The following ATP4A variants were observed in gnomAD, a reference collection of about 807,000 sequenced individuals.
ATP4A encodes potassium-transporting ATPase alpha chain 1.
In ATP4A, 73 loss-of-function variants were observed where a neutral mutation model predicts 112.1. That is an observed-to-expected ratio of 0.65 (90% CI 0.54 to 0.79). ATP4A has a LOEUF of 0.79. Among genes scored for constraint, ATP4A ranks in the 30% least tolerant of loss-of-function variants. The pLI is 0.00. For missense variants in ATP4A, 1,081 were observed against 1,425.9 expected (o/e 0.76, Z 3.90); for synonymous variants, 588 against 588.9 (o/e 1.00, Z 0.02).
At position 35,555,317 on chromosome 19, in the gene ATP4A, G is replaced by C. The variant is rs140183237; in HGVS notation, c.2175C>G (p.Val725=). 6.2e-7 allele frequency: 1 copy of C among 1,613,834 alleles called. No individual in the cohort carries two copies. The highest frequency in any genetic ancestry group is 1.3e-5 in the African/African-American group (1 of 74,918). ...SCQRLGAIVA[V]TGDGVNDSPA... The stretch of plus-strand genomic sequence containing the variant: ...GGGAGTCATTCACACCATCCCCCGT[G>C]ACGGCCACAATCGCACCCTGCAGGC... Residue 725 remains valine (V), a synonymous_variant, in exon 15 of 22, where the codon GTC becomes GTG. Transcript: ENST00000262623. The surrounding 1 kb of genome is among the most constrained non-coding windows in gnomAD (Gnocchi z 6.6).
In ATP4A at chr19:35,557,077, G is replaced by T; in HGVS notation, c.1705C>A (p.Leu569Ile). The T allele has an allele frequency of 1.2e-6, 2 of 1,614,204 alleles. No individual in the cohort carries two copies. Residue 569 changes from leucine to isoleucine, a missense_variant, in exon 12 of 22, where the codon CTC becomes ATC. Around this residue, in one of 3 missense-constraint regions of ATP4A, gnomAD observed 850 missense variants for 1,068.2 expected, o/e 0.80. Coordinates refer to ENST00000262623, the MANE Select transcript of ATP4A (RefSeq NM_000704.3). The surrounding 1 kb of genome is among the most constrained non-coding windows in gnomAD (Gnocchi z 4.4). ...LGERVLGFCQLYLNEKDYPPG... is the reference protein window; with the variant it reads ...LGERVLGFCQIYLNEKDYPPG... Reference sequence around the variant, plus strand: ...GGGTAGTCCTTCTCATTCAGGTAGAGCTGGCAGAAGCCTGACCGGAAACGG... The same window carrying T: ...GGGTAGTCCTTCTCATTCAGGTAGATCTGGCAGAAGCCTGACCGGAAACGG...
At position 35,557,240 on chromosome 19, in the gene ATP4A, C is replaced by T. The variant is rs936387421; in HGVS notation, c.1694-152G>A. On this transcript the variant is annotated intron_variant, in intron 11 of 21. Transcript: ENST00000262623. This position sits in a 1 kb window ranked among gnomAD's most constrained non-coding sequence, Gnocchi z 4.4. ...CCTTCACTCACATTATCTGAATCTA[C>T]CCTCACAACCACCCTGTGAGGCCCA... The T allele has an allele frequency of 3.5e-6, 3 of 859,930 alleles. No individual in the cohort carries two copies. The highest frequency in any genetic ancestry group is 2.8e-5 in the Admixed American group (1 of 35,964). 53.3% of individuals were successfully genotyped at this position (859,930 alleles called of 1,614,324 possible). A position where few individuals can be genotyped will look rare whatever the true frequency, so the allele number is the denominator to read the frequency against.
rs1189069274 is a variant in ATP4A, at chr19:35,554,888, C to A, written c.2481+34G>T. On this transcript the variant is annotated intron_variant, in intron 16 of 21. Coordinates refer to ENST00000262623, the MANE Select transcript of ATP4A (RefSeq NM_000704.3). ...ATCTGCAAGCAAGTGTCTCTGGGCACCCTGTGGATGGGTACCCTGGGCTGT... is the reference window on the plus strand; with the variant it reads ...ATCTGCAAGCAAGTGTCTCTGGGCAACCTGTGGATGGGTACCCTGGGCTGT... 3 of 1,613,342 alleles carry A rather than the reference C, an allele frequency of 1.9e-6. No homozygotes were observed. In the South Asian group the frequency reaches 3.3e-5, roughly 18 times the overall value.
Position 35,551,490 on chromosome 19 carries a change from G to A in ATP4A, c.2842C>T (p.Arg948Cys), listed in dbSNP as rs2071601693. 3.1e-6 allele frequency: 5 copies of A among 1,614,128 alleles called. No homozygotes were observed. The highest frequency in any genetic ancestry group is 4.2e-6 in the Non-Finnish European group (5 of 1,180,024). ...EVCQIADVLIRKTRRLSAFQQ... is the reference protein window; with the variant it reads ...EVCQIADVLICKTRRLSAFQQ... Reference sequence around the variant, plus strand: ...AAGGCAGAGAGACGGCGCGTCTTGCGGATGAGGACATCGGCGATCTGGCAC... The same window carrying A: ...AAGGCAGAGAGACGGCGCGTCTTGCAGATGAGGACATCGGCGATCTGGCAC... The change falls in exon 19 of 22, where the codon CGC becomes TGC. Residue 948 changes from arginine (R) to cysteine (C), a missense_variant. Transcript: ENST00000262623. This position sits in a 1 kb window ranked among gnomAD's most constrained non-coding sequence, Gnocchi z 5.2.
In ATP4A at chr19:35,563,392, T is replaced by A. The variant is rs1046745150; in HGVS notation, c.148A>T (p.Met50Leu). The A allele has an allele frequency of 2.6e-6, 4 of 1,563,158 alleles. No homozygotes were observed. Among genetic ancestry groups the A allele is most frequent in the Non-Finnish European group, 3.5e-6 (4 of 1,149,544 alleles). Residue 50 changes from methionine to leucine, a missense_variant, in exon 2 of 22, where the codon ATG becomes TTG. Physicochemically the swap from Met to Leu is conservative, Grantham distance 15. Around this residue, in one of 3 missense-constraint regions of ATP4A, gnomAD observed 850 missense variants for 1,068.2 expected, o/e 0.80. Coordinates refer to ENST00000262623, the MANE Select transcript of ATP4A (RefSeq NM_000704.3). Reference protein sequence around the residue: ...KEKLENMKKEMEINDHQLSVA... With the variant: ...KEKLENMKKELEINDHQLSVA... ...CCCCAGTCAGAGCTCACAATCTCCA[T>A]CTCCTTCTTCATGTTCTCCAGCTTC...
In ATP4A at chr19:35,560,855, G is replaced by C. The variant is rs765341252; in HGVS notation, c.498C>G (p.Thr166=). 1.2e-6 allele frequency: 2 copies of C among 1,614,042 alleles called. No homozygotes were observed. Among genetic ancestry groups the C allele is most frequent in the African/African-American group, 2.7e-5 (2 of 74,984 alleles). ...CFGYYQEFKS[T]NIIASFKNLV... ...GGTTCTTAAAGCTGGCGATGATGTT[G>C]GTGCTCTTGAATTCCTGGTAGTAGC... Residue 166 remains threonine (T), a synonymous_variant, in exon 5 of 22, where the codon ACC becomes ACG. Coordinates refer to ENST00000262623, the MANE Select transcript of ATP4A (RefSeq NM_000704.3). This position sits in a 1 kb window ranked among gnomAD's most constrained non-coding sequence, Gnocchi z 5.1.
chr19:35,558,834 G>T lies in ATP4A; in HGVS notation c.1256-148C>A. On this transcript the variant is annotated intron_variant, in intron 8 of 21. Coordinates refer to ENST00000262623, the MANE Select transcript of ATP4A (RefSeq NM_000704.3). This position sits in a 1 kb window ranked among gnomAD's most constrained non-coding sequence, Gnocchi z 5.1. ...CCAACCCTGAGGGACCCAGCCCCCG[G>T]ATGACCCTTCCCTCTAGACCCGGTA... 7.9e-7 allele frequency: 1 copy of T among 1,271,266 alleles called. No individual in the cohort carries two copies. Among genetic ancestry groups the T allele is most frequent in the Non-Finnish European group, 1.1e-6 (1 of 929,376 alleles). The allele number at this position is 1,271,266 out of a possible 1,614,324, so 78.7% of individuals were successfully genotyped here. A position where few individuals can be genotyped will look rare whatever the true frequency, so the allele number is the denominator to read the frequency against.
chr19:35,555,147 C>T lies in ATP4A; in HGVS notation c.2326+19G>A. 1 of 1,614,124 alleles carries T rather than the reference C, an allele frequency of 6.2e-7. No individual in the cohort carries two copies. The highest frequency in any genetic ancestry group is 8.5e-7 in the Non-Finnish European group (1 of 1,180,014). On this transcript the variant is annotated intron_variant, in intron 15 of 21. Coordinates refer to ENST00000262623, the MANE Select transcript of ATP4A (RefSeq NM_000704.3). The surrounding 1 kb of genome is among the most constrained non-coding windows in gnomAD (Gnocchi z 6.6). ...TCCTGTGCCCACACTGCCTGCCCTCCCCCTGGCGTGGCTCGGACCCTGCTC... is the reference window on the plus strand; with the variant it reads ...TCCTGTGCCCACACTGCCTGCCCTCTCCCTGGCGTGGCTCGGACCCTGCTC...
rs754720662 is a variant in ATP4A, at chr19:35,560,399, G to A, written c.751C>T (p.Arg251Cys). The A allele has an allele frequency of 9.3e-6, 15 of 1,613,852 alleles. No individual in the cohort carries two copies. The highest frequency in any genetic ancestry group is 3.3e-5 in the Admixed American group (2 of 60,002). The change falls in exon 6 of 22, where the codon CGC becomes TGC. Residue 251 changes from arginine to cysteine, a missense_variant. Arg to Cys is a radical substitution (Grantham distance 180). This residue lies in a region of ATP4A where 850 missense variants were observed against 1,068.2 expected (regional missense o/e 0.80). Transcript: ENST00000262623. This position sits in a 1 kb window ranked among gnomAD's most constrained non-coding sequence, Gnocchi z 5.1. ...ATGGTGGAGAAGAAGGCGATGTTGCGGGTCTCCAGAGGGCTCTCGTGCGTG... is the reference window on the plus strand; with the variant it reads ...ATGGTGGAGAAGAAGGCGATGTTGCAGGTCTCCAGAGGGCTCTCGTGCGTG... ...ECTHESPLET[R>C]NIAFFSTMCL...
Position 35,550,865 on chromosome 19 carries a change from G to A in ATP4A, c.3048C>T (p.Ile1016=). Residue 1016 remains isoleucine, a synonymous_variant, in exon 21 of 22, where the codon ATC becomes ATT. Coordinates refer to ENST00000262623, the MANE Select transcript of ATP4A (RefSeq NM_000704.3). The surrounding 1 kb of genome is among the most constrained non-coding windows in gnomAD (Gnocchi z 4.1). ...GGCAACAGCGAACTCCAAGCTTCCG[G>A]ATCTCATCATAGACGAAGATGAGGA... ...YGILIFVYDE[I]RKLGVRCCPG... is the part of the protein sequence containing the mutation. 1 of 1,614,202 alleles carries A rather than the reference G, an allele frequency of 6.2e-7. No individual in the cohort carries two copies. Among genetic ancestry groups the A allele is most frequent in the Non-Finnish European group, 8.5e-7 (1 of 1,180,038 alleles).
Position 35,560,195 on chromosome 19 carries a change from C to T in ATP4A, c.788-122G>A. ...GATGTGACCTGGGAGAGGGTAGTGA[C>T]AGTGGGAGACAGAGAAGCAGTGTGC... On this transcript the variant is annotated intron_variant, in intron 6 of 21. Coordinates refer to ENST00000262623, the MANE Select transcript of ATP4A (RefSeq NM_000704.3). This position sits in a 1 kb window ranked among gnomAD's most constrained non-coding sequence, Gnocchi z 5.1. 6.6e-7 allele frequency: 1 copy of T among 1,523,734 alleles called. No individual in the cohort carries two copies. Among genetic ancestry groups the T allele is most frequent in the Non-Finnish European group, 8.9e-7 (1 of 1,124,968 alleles). 94.4% of individuals were successfully genotyped at this position (1,523,734 alleles called of 1,614,324 possible).
At position 35,559,021 on chromosome 19, in the gene ATP4A, G is replaced by A; in HGVS notation, c.1227C>T (p.His409=). Residue 409 remains histidine, a synonymous_variant, in exon 8 of 22, where the codon CAC becomes CAT. Coordinates refer to ENST00000262623, the MANE Select transcript of ATP4A (RefSeq NM_000704.3). The surrounding 1 kb of genome is among the most constrained non-coding windows in gnomAD (Gnocchi z 4.1). ...ACTGGTCTTCCGTGGTGTCAGCTGT[G>A]TGGATGTGGTTGTCAAACCACAGAT... ...VSHLWFDNHI[H]TADTTEDQSG... 6.2e-7 allele frequency: 1 copy of A among 1,614,210 alleles called. No homozygotes were observed. Among genetic ancestry groups the A allele is most frequent in the Non-Finnish European group, 8.5e-7 (1 of 1,180,034 alleles).
chr19:35,553,187 A>G lies in ATP4A; in HGVS notation c.2606-5T>C. 2 of 1,592,054 alleles carry G rather than the reference A, an allele frequency of 1.3e-6. No homozygotes were observed. Among genetic ancestry groups the G allele is most frequent in the Non-Finnish European group, 1.7e-6 (2 of 1,162,516 alleles). On this transcript the variant is annotated splice_polypyrimidine_tract_variant and splice_region_variant and intron_variant, in intron 17 of 21. Transcript: ENST00000262623. ...CAGCAAAGGACTGAATGGCACCTGG[A>G]GAGAGACAAGGGGACACAGGGAGAC...
chr19:35,553,673 C>A (rs1303387988), intron 17 of ATP4A, 33 bp downstream of exon 17: 5 of 1,610,094 alleles, frequency 3.1e-6, no homozygotes, highest in Non-Finnish European at 4.2e-6. Flanking sequence ...CAGAGCCCCC[C>A]ACCTCCAGGC....
intron 3 of ATP4A, among the ~76,000 whole-genome samples, 189 bp from the exon 4 acceptor site, chr19:35,562,827 C>G (rs555901127): frequency 1.3e-5 from 2 of 150,446 alleles, no homozygotes; most frequent in South Asian, 4.3e-4. Context: ...TTGTCTCTCT[C>G]TCCTCGCTCC....
chr19:35,556,319 A>T (rs985025325), intron 12 of ATP4A, among the ~76,000 whole-genome samples: 3 of 152,188 alleles, frequency 2.0e-5, no homozygotes, highest in African/African-American at 7.2e-5. Flanking sequence ...CAAGCTTAGA[A>T]AGGTAACAAG....
rs2071604227 is a variant in ATP4A at position 35,551,892 on chromosome 19, G to A, written c.2752-312C>T. Among the ~76,000 whole-genome samples the A allele has an allele frequency of 1.3e-5, 2 of 152,290 alleles. No individual in the cohort carries two copies. Among genetic ancestry groups the A allele is most frequent in the Middle Eastern group, 3.4e-3 (1 of 292 alleles). On this transcript the variant is annotated intron_variant, in intron 18 of 21. Coordinates refer to ENST00000262623, the MANE Select transcript of ATP4A (RefSeq NM_000704.3). This position sits in a 1 kb window ranked among gnomAD's most constrained non-coding sequence, Gnocchi z 5.2. ...CCAAAAGAAAGGGCCTGGGAAAGGG[G>A]AATTGAAATCCTCAGATGGGATTTG...
At position 35,560,660 on chromosome 19, in the gene ATP4A, T is replaced by TGGGGGG; in HGVS notation, c.535-46_535-45insCCCCCC. 1.4e-6 allele frequency: 1 copy of TGGGGGG among 733,696 alleles called. No homozygotes were observed. The highest frequency in any genetic ancestry group is 2.0e-6 in the Non-Finnish European group (1 of 496,780). The allele number at this position is 733,696 out of a possible 1,614,324, so 45.4% of individuals were successfully genotyped here. On this transcript the variant is annotated intron_variant, in intron 5 of 21. Transcript: ENST00000262623. The surrounding 1 kb of genome is among the most constrained non-coding windows in gnomAD (Gnocchi z 5.1). Reference sequence around the variant, plus strand: ...AAGTTGAGGTGGACGGGGGTGGGGGTGGGAGCTGCTGCATGTGGGGAGGTA... The same window carrying TGGGGGG: ...AAGTTGAGGTGGACGGGGGTGGGGGTGGGGGGGGGAGCTGCTGCATGTGGGGAGGTA...
At chr19:35,552,990 T>C (rs2071609823) in intron 18 of ATP4A, 47 bp downstream of exon 18, 4 of 1,536,980 alleles carry the variant, frequency 2.6e-6, no homozygotes, top group African/African-American at 1.4e-5. Context: ...CAAGTTGCCC[T>C]GGGAAGGAGG....
Sources: allele counts gnomAD v4.1 joint callset (sites outside exome capture counted in the v4.1 genomes callset), GRCh38; gene constraint gnomAD v4.1.1; regional missense constraint gnomAD v4.1.1; non-coding constraint Gnocchi (gnomAD v3.1); transcripts MANE v1.5; gene names NCBI Gene and HGNC (gene_info 2026-07-23, HGNC 2026-07-21).